The following PSAP variants were observed in gnomAD, a reference collection of about 807,000 sequenced individuals.
PSAP encodes prosaposin.
Under a neutral mutation model 66.0 loss-of-function variants are expected in PSAP, and 25 were observed. The ratio of observed to expected loss-of-function variants is 0.38; its 90% CI spans 0.28 to 0.53. PSAP has a LOEUF of 0.53. Ranked by LOEUF, PSAP falls within the 20% of genes least tolerant of loss-of-function variation. The pLI, the probability that PSAP is intolerant of heterozygous loss-of-function variation, is 0.83. For missense variants in PSAP, 649 were observed against 668.8 expected (o/e 0.97, Z 0.33); for synonymous variants, 273 against 258.9 (o/e 1.05, Z -0.52).
chr10:71,832,242 CAG>C (rs1362837574), intron 2 of PSAP, among the ~76,000 whole-genome samples: 1 of 152,174 alleles, frequency 6.6e-6, no homozygotes, highest in East Asian at 1.9e-4. Flanking sequence ...CAGGTGAAAT[CAG>C]AGTCACATCA....
At chr10:71,834,239 C>T in intron 2 of PSAP, 133 bp downstream of exon 2, 1 of 1,430,382 alleles carries the variant, frequency 7.0e-7, no homozygotes, top group East Asian at 2.4e-5. Context: ...CTGCCTCCCA[C>T]ACAGAGTCAC....
Position 71,819,558 on chromosome 10 carries a change from C to A in PSAP, c.1257G>T (p.Leu419Phe). The part of the protein sequence containing the change: ...CEVCKKLVGY[L>F]DRNLEKNSTK... ...TGCTGTTTTTCTCCAGGTTGCGATC[C>A]AAATAACCCACCAGCTTCTTGCACA... Residue 419 changes from leucine (L) to phenylalanine (F), a missense_variant, in exon 11 of 14, where the codon TTG becomes TTT. Physicochemically the swap from Leu to Phe is conservative, Grantham distance 22. Coordinates refer to ENST00000394936, the MANE Select transcript of PSAP (RefSeq NM_002778.4). 1.2e-6 allele frequency: 2 copies of A among 1,614,200 alleles called. No homozygotes were observed. The highest frequency in any genetic ancestry group is 1.7e-6 in the Non-Finnish European group (2 of 1,180,036).
Position 71,821,873 on chromosome 10 carries a change from T to G in PSAP, c.909+3A>C. On this transcript the variant is annotated splice_donor_region_variant and intron_variant, in intron 8 of 13. Transcript: ENST00000394936. ...GACCAGGACACAAAGTGACACCAGG[T>G]ACCTTAATGGGCTCCACCAGTTCCA... is the stretch of plus-strand genomic sequence containing the variant. 6.2e-7 allele frequency: 1 copy of G among 1,614,098 alleles called. No individual in the cohort carries two copies. The highest frequency in any genetic ancestry group is 1.3e-5 in the African/African-American group (1 of 75,026).
intron 13 of PSAP, 100 bp from the exon 14 acceptor site, chr10:71,817,576 T>C (rs926070584): frequency 1.7e-5 from 19 of 1,146,396 alleles, no homozygotes; most frequent in Non-Finnish European, 2.4e-5. Context: ...ACCTGTTCTC[T>C]TGTCCTAGGT....
chr10:71,843,101 G>T (rs1230625079), intron 1 of PSAP, among the ~76,000 whole-genome samples: 1 of 152,170 alleles, frequency 6.6e-6, no homozygotes, highest in African/African-American at 2.4e-5. Context: ...AAAGCAAGGT[G>T]GGGTGGGGCA....
chr10:71,851,213 G>A lies in PSAP; in HGVS notation c.9C>T (p.Ala3=), dbSNP rs769671646. 6.4e-6 allele frequency: 10 copies of A among 1,551,136 alleles called. No homozygotes were observed. Among genetic ancestry groups the A allele is most frequent in the Admixed American group, 3.9e-5 (2 of 51,010 alleles). Residue 3 remains alanine (A), a synonymous_variant, in exon 1 of 14, where the codon GCC becomes GCT. Coordinates refer to ENST00000394936, the MANE Select transcript of PSAP (RefSeq NM_002778.4). The part of the protein sequence containing the change: MY[A]LFLLASLLGA... ...CCAGGAGGCTGGCCAGGAGGAAGAG[G>A]GCGTACATAGCGCCGTCTGACTCCG...
chr10:71,838,328 T>G (rs1468464718), intron 1 of PSAP, among the ~76,000 whole-genome samples: 1 of 152,064 alleles, frequency 6.6e-6, no homozygotes, highest in Non-Finnish European at 1.5e-5. Context: ...ATGAGCAACG[T>G]GAGCTGCTCA....
At chr10:71,819,313 C>G in intron 11 of PSAP, 152 bp downstream of exon 11, 2 of 1,257,234 alleles carry the variant, frequency 1.6e-6, no homozygotes, top group Non-Finnish European at 1.1e-6. Flanking sequence ...AGTGGCTCAT[C>G]TTAAGCCAAC....
At chr10:71,844,441 A>C (rs1842783516) in intron 1 of PSAP, among the ~76,000 whole-genome samples, 1 of 152,196 alleles carries the variant, frequency 6.6e-6, no homozygotes, top group East Asian at 1.9e-4. Flanking sequence ...TGAGGTGGGC[A>C]GAACACCTGA....
chr10:71,849,478 G>C (rs1028104606), intron 1 of PSAP, among the ~76,000 whole-genome samples: 9 of 152,162 alleles, frequency 5.9e-5, no homozygotes, highest in Non-Finnish European at 1.2e-4. Flanking sequence ...TCTCACGCCT[G>C]TAATCCCAGA....
In PSAP at chr10:71,849,660, G is replaced by T. The variant is rs74381055; in HGVS notation, c.40+1522C>A. 2.4e-3 allele frequency among the ~76,000 whole-genome samples: 361 copies of T among 152,152 alleles called. 10 individuals are homozygous for T. The East Asian group carries it at 0.063, about 27-fold the overall frequency. ...ACAAAAAAAAAACGGCCAATAGCGT[G>T]CAAGACTTTCTTTTCTCTTTTTCTT... On this transcript the variant is annotated intron_variant, in intron 1 of 13. Coordinates refer to ENST00000394936, the MANE Select transcript of PSAP (RefSeq NM_002778.4).
At chr10:71,818,569 T>C (rs774789654) in intron 13 of PSAP, 48 bp downstream of exon 13, 1 of 1,507,302 alleles carries the variant, frequency 6.6e-7, no homozygotes, top group Non-Finnish European at 9.2e-7. Context: ...TCACACAGGC[T>C]ACCCCAGGGC....
chr10:71,846,482 T>C (rs1270761531), intron 1 of PSAP, among the ~76,000 whole-genome samples: 3 of 149,898 alleles, frequency 2.0e-5, no homozygotes, highest in Non-Finnish European at 4.4e-5. Context: ...CCCAACACTT[T>C]GGGAGGCCGA....
At chr10:71,837,802 C>T (rs570223389) in intron 1 of PSAP, among the ~76,000 whole-genome samples, 9 of 152,272 alleles carry the variant, frequency 5.9e-5, no homozygotes, top group African/African-American at 1.9e-4. Context: ...AGGCTGGCTA[C>T]GTGGAGAGGG....
At position 71,834,376 on chromosome 10, in the gene PSAP, G is replaced by A. The variant is rs1298247076; in HGVS notation, c.170C>T (p.Thr57Ile). ...HCLQTVWNKP[T>I]VKSLPCDICK... ...CTGGAGGGCAGCGGCACTCACCACT[G>A]TTGGCTTGTTCCAAACGGTCTGCAG... Residue 57 changes from threonine to isoleucine, a missense_variant, in exon 2 of 14, where the codon ACA becomes ATA. Physicochemically the swap from Thr to Ile is moderately conservative, Grantham distance 89. Coordinates refer to ENST00000394936, the MANE Select transcript of PSAP (RefSeq NM_002778.4). The A allele has an allele frequency of 1.9e-6, 3 of 1,613,716 alleles. No individual in the cohort carries two copies. The South Asian group carries it at 3.3e-5, about 18-fold the overall frequency.
rs1842433600 is a variant in PSAP at position 71,828,263 on chromosome 10, T to C, written c.577-106A>G. Reference sequence around the variant, plus strand: ...CATTAGGGGGCACTTGCTGACCAGTTCCTAAGATGCTTTACAGGCTCTCAA... The same window carrying C: ...CATTAGGGGGCACTTGCTGACCAGTCCCTAAGATGCTTTACAGGCTCTCAA... On this transcript the variant is annotated intron_variant, in intron 5 of 13. Transcript: ENST00000394936. 6.7e-6 allele frequency: 8 copies of C among 1,191,010 alleles called. No individual in the cohort carries two copies. In the South Asian group the frequency reaches 7.3e-5, roughly 11 times the overall value. 73.8% of individuals were successfully genotyped at this position (1,191,010 alleles called of 1,614,324 possible).
intron 3 of PSAP, among the ~76,000 whole-genome samples, chr10:71,831,604 G>A (rs1229015180): frequency 6.6e-6 from 1 of 152,166 alleles, no homozygotes; most frequent in African/African-American, 2.4e-5. Context: ...GCTTATTTCT[G>A]TACAACCCAG....
intron 13 of PSAP, among the ~76,000 whole-genome samples, 186 bp from the exon 14 acceptor site, chr10:71,817,662 T>A (rs1382266690): frequency 6.6e-6 from 1 of 151,780 alleles, no homozygotes; most frequent in African/African-American, 2.4e-5. Flanking sequence ...GCCATCAGAG[T>A]TTTGGGAACT....
chr10:71,834,933 G>T (rs544394770), intron 1 of PSAP, among the ~76,000 whole-genome samples: 23 of 152,158 alleles, frequency 1.5e-4, no homozygotes, highest in African/African-American at 5.3e-4. Flanking sequence ...AGAATGAAGG[G>T]TTTTTTTAAA....
Sources: gnomAD v4.1 joint callset for allele counts (sites outside exome capture counted in the v4.1 genomes callset) on GRCh38, gnomAD v4.1.1 for gene constraint, MANE v1.5 for transcripts, NCBI Gene and HGNC (gene_info 2026-07-23, HGNC 2026-07-21) for gene names.